The following EYS variants were observed in gnomAD, a reference collection of about 807,000 sequenced individuals.
The protein encoded by EYS is EGF-like photoreceptor maintenance factor, also known as protein eyes shut homolog.
Under a neutral mutation model 282.1 loss-of-function variants are expected in EYS, and 250 were observed. That is an observed-to-expected ratio of 0.89 (90% CI 0.80 to 0.98). The LOEUF (loss-of-function observed/expected upper bound fraction) is 0.98. Ranked by LOEUF, EYS falls within the 50% of genes least tolerant of loss-of-function variation. The pLI is 0.00. For synonymous variants in EYS, 1,355 were observed against 1,282.9 expected (o/e 1.06, Z -1.20); for missense variants, 4,016 against 3,709.0 (o/e 1.08, Z -2.15).
chr6:65,155,109 C>G (rs1006372084), intron 12 of EYS, among the ~76,000 whole-genome samples: 2 of 151,516 alleles, frequency 1.3e-5, no homozygotes, highest in Non-Finnish European at 3.0e-5. Flanking sequence ...AATTTTACAT[C>G]ATTTTGAATC....
intron 14 of EYS, among the ~76,000 whole-genome samples, chr6:64,956,013 C>G (rs1051320349): frequency 6.6e-6 from 1 of 152,048 alleles, no homozygotes; most frequent in Non-Finnish European, 1.5e-5. Context: ...AACTGCAATA[C>G]TATGCAAAGC....
At chr6:64,373,622 G>C (rs918200422) in intron 29 of EYS, among the ~76,000 whole-genome samples, 1 of 152,182 alleles carries the variant, frequency 6.6e-6, no homozygotes, top group African/African-American at 2.4e-5. Context: ...ACAGGAAGCT[G>C]TGCCCCTTGG....
chr6:64,761,724 G>GCT (rs1773166126), intron 22 of EYS, among the ~76,000 whole-genome samples: 1 of 152,056 alleles, frequency 6.6e-6, no homozygotes, highest in Non-Finnish European at 1.5e-5. Flanking sequence ...CAAAGTGCTG[G>GCT]GATTACAGGC....
intron 31 of EYS, among the ~76,000 whole-genome samples, chr6:64,197,154 T>G (rs555182673): frequency 6.6e-6 from 1 of 152,282 alleles, no homozygotes; most frequent in East Asian, 1.9e-4. Context: ...ATCTAGGTAG[T>G]GTTAATTTGG....
At chr6:65,628,630 C>G (rs143681547) in intron 2 of EYS, among the ~76,000 whole-genome samples, 10 of 152,024 alleles carry the variant, frequency 6.6e-5, no homozygotes, top group African/African-American at 2.2e-4. Context: ...CCGGGAGGAA[C>G]GAACAACTCC....
At chr6:65,511,511 A>G (rs1192775069) in intron 2 of EYS, among the ~76,000 whole-genome samples, 1 of 152,144 alleles carries the variant, frequency 6.6e-6, no homozygotes, top group Non-Finnish European at 1.5e-5. Context: ...ACAGTCTTAT[A>G]GGCAAACTGC....
At position 65,492,980 on chromosome 6, in the gene EYS, G is replaced by T. The variant is rs573917063; in HGVS notation, c.748+1683C>A. The stretch of plus-strand genomic sequence containing the variant: ...CGCCCAGGCTGGAGTGCAATGGCGC[G>T]ATCTCAGCTCACTACAAACTCTACC... On this transcript the variant is annotated intron_variant, in intron 4 of 42. Transcript: ENST00000503581. Among the ~76,000 whole-genome samples the T allele has an allele frequency of 2.0e-5, 3 of 152,122 alleles. No homozygotes were observed. In the South Asian group the frequency reaches 6.2e-4, roughly 32 times the overall value.
chr6:64,556,007 A>G (rs1468864269), intron 26 of EYS, among the ~76,000 whole-genome samples: 1 of 152,070 alleles, frequency 6.6e-6, no homozygotes, highest in Non-Finnish European at 1.5e-5. Context: ...ACAAGGATGT[A>G]GAGAAGCCAG....
At chr6:64,109,517 A>T (rs535839922) in intron 31 of EYS, among the ~76,000 whole-genome samples, 1 of 152,146 alleles carries the variant, frequency 6.6e-6, no homozygotes, top group Non-Finnish European at 1.5e-5. Context: ...TTATCAAGTT[A>T]TCTCATGCAC....
chr6:63,866,534 A>T (rs1182272981), intron 35 of EYS, among the ~76,000 whole-genome samples: 1 of 152,208 alleles, frequency 6.6e-6, no homozygotes, highest in African/African-American at 2.4e-5. Flanking sequence ...AGATGATTTT[A>T]TGGTGAAAAC....
At chr6:64,320,771 T>A (rs1770187932) in intron 29 of EYS, among the ~76,000 whole-genome samples, 1 of 151,828 alleles carries the variant, frequency 6.6e-6, no homozygotes, top group African/African-American at 2.4e-5. Flanking sequence ...CATTGTATTA[T>A]TACTTTATTT....
chr6:65,254,000 A>G (rs2150284962), intron 12 of EYS, among the ~76,000 whole-genome samples: 1 of 151,980 alleles, frequency 6.6e-6, no homozygotes, highest in South Asian at 2.1e-4. Context: ...GAAGCTTAAA[A>G]GTGCTTTATA....
chr6:63,829,781 C>T (rs1024356217), intron 36 of EYS, among the ~76,000 whole-genome samples: 1 of 152,224 alleles, frequency 6.6e-6, no homozygotes, highest in Non-Finnish European at 1.5e-5. Flanking sequence ...GGGTCACTGA[C>T]CCCTGAGTAG....
At chr6:65,157,909 A>G (rs1479709393) in intron 12 of EYS, among the ~76,000 whole-genome samples, 1 of 150,800 alleles carries the variant, frequency 6.6e-6, no homozygotes, top group Non-Finnish European at 1.5e-5. Flanking sequence ...TGTATAGCGT[A>G]TTGTGCATTA....
At chr6:64,777,818 A>C (rs1343631594) in intron 22 of EYS, among the ~76,000 whole-genome samples, 3 of 152,188 alleles carry the variant, frequency 2.0e-5, no homozygotes, top group Non-Finnish European at 4.4e-5. Flanking sequence ...ATTGCCATGA[A>C]TTTGAAAATA....
At chr6:63,780,733 GC>G (rs2149665960) in intron 39 of EYS, among the ~76,000 whole-genome samples, 1 of 152,264 alleles carries the variant, frequency 6.6e-6, no homozygotes, top group East Asian at 1.9e-4. Context: ...CTTTTGCTGT[GC>G]AGAAGCTCTT....
rs544677679 is a variant in EYS, at chr6:65,568,897, C to G, written c.-333+70881G>C. Among the ~76,000 whole-genome samples the G allele has an allele frequency of 2.3e-4, 35 of 152,298 alleles. No homozygotes were observed. The South Asian group carries it at 6.6e-3, about 29-fold the overall frequency. On this transcript the variant is annotated intron_variant, in intron 2 of 42. Transcript: ENST00000503581. ...AGAATATTATGACAGTGAAAGTGAT[C>G]TGACCTGAGTCCATCTTGCCTCTAA...
intron 30 of EYS, among the ~76,000 whole-genome samples, chr6:64,274,086 G>C (rs966376444): frequency 6.6e-6 from 1 of 152,112 alleles, no homozygotes; most frequent in Admixed American, 6.5e-5. Flanking sequence ...AGATCCCAGC[G>C]TATAACCTTT....
intron 1 of EYS, among the ~76,000 whole-genome samples, chr6:65,669,570 C>G (rs1015981208): frequency 5.9e-5 from 9 of 152,008 alleles, no homozygotes; most frequent in African/African-American, 2.2e-4. Flanking sequence ...TCTCTTCTTT[C>G]TGTCAGCTTC....
Sources: allele counts gnomAD v4.1 joint callset (sites outside exome capture counted in the v4.1 genomes callset), GRCh38; gene constraint gnomAD v4.1.1; transcripts MANE v1.5; gene names NCBI Gene and HGNC (gene_info 2026-07-23, HGNC 2026-07-21).